UVRAG: variants seen among roughly 807,000 people sequenced by gnomAD.
UVRAG encodes UV radiation resistance associated, also known as UV radiation resistance-associated gene protein.
UVRAG carries 19 observed loss-of-function variants against 78.0 expected under a neutral mutation model. That is an observed-to-expected ratio of 0.24 (90% CI 0.17 to 0.36). UVRAG has a LOEUF of 0.36. Among genes scored for constraint, UVRAG ranks in the 10% least tolerant of loss-of-function variants. UVRAG has a pLI of 1.00. For missense variants in UVRAG, 740 were observed against 853.8 expected, an observed-to-expected ratio of 0.87 and a Z score of 1.66; for synonymous variants, 323 against 324.6, an observed-to-expected ratio of 1.00 and a Z score of 0.05.
At chr11:76,076,110 A>G (rs1018076307) in intron 13 of UVRAG, among the ~76,000 whole-genome samples, 1 of 152,184 alleles carries the variant, frequency 6.6e-6, no homozygotes, top group African/African-American at 2.4e-5. Context: ...GTGTATACCT[A>G]GGAGTGGAAT....
chr11:76,066,547 A>G (rs1345563430), intron 13 of UVRAG, among the ~76,000 whole-genome samples: 1 of 151,974 alleles, frequency 6.6e-6, no homozygotes, highest in Non-Finnish European at 1.5e-5. Context: ...ATCTCGGCTC[A>G]CTGCAACCTC....
intron 13 of UVRAG, among the ~76,000 whole-genome samples, chr11:76,068,092 T>TAC (rs1247601699): frequency 6.6e-6 from 1 of 152,140 alleles, no homozygotes; most frequent in Admixed American, 6.5e-5. Context: ...TGTACAGATA[T>TAC]ACACACACAT....
intron 1 of UVRAG, among the ~76,000 whole-genome samples, chr11:75,829,893 GC>G (rs1565334768): frequency 6.6e-6 from 1 of 152,246 alleles, no homozygotes; most frequent in Non-Finnish European, 1.5e-5. Flanking sequence ...AGTCTGGAGT[GC>G]AGTGGCACAA....
chr11:75,819,534 A>G (rs1027676770), intron 1 of UVRAG, among the ~76,000 whole-genome samples: 1 of 151,996 alleles, frequency 6.6e-6, no homozygotes, highest in Non-Finnish European at 1.5e-5. Context: ...TTTGGTAGAG[A>G]TGGGGTTTCA....
At chr11:76,102,100 T>G (rs1259204689) in intron 13 of UVRAG, among the ~76,000 whole-genome samples, 1 of 152,226 alleles carries the variant, frequency 6.6e-6, no homozygotes, top group Admixed American at 6.5e-5. Context: ...AAAGTAGTTT[T>G]TTCTAGTTCT....
chr11:75,911,101 A>C (rs1947726243), intron 5 of UVRAG: 1 of 153,614 alleles, frequency 6.5e-6, no homozygotes. Context: ...ACTTTTTAAA[A>C]ACAAGATATT....
rs570210816 is a variant in UVRAG, at chr11:75,997,956, G to A, written c.827-6049G>A. Among the ~76,000 whole-genome samples the A allele has an allele frequency of 1.2e-4, 18 of 152,224 alleles. No individual in the cohort carries two copies. The South Asian group carries it at 2.9e-3, about 25-fold the overall frequency. On this transcript the variant is annotated intron_variant, in intron 8 of 14. Transcript: ENST00000356136. ...GATTCCTGACCTGCTTAGGTCCCAC[G>A]GTATAAGTGTTTGACATGGTAGAAA...
chr11:76,142,954 TCA>T lies in UVRAG; in HGVS notation c.*1544_*1545del, dbSNP rs1325862384. The stretch of plus-strand genomic sequence containing the variant: ...CATTGTTGTTTTCCATGTAGAGAAC[TCA>T]CAGGATGACTACATCACAAATAAAC... On this transcript the variant is annotated 3_prime_UTR_variant, in exon 15 of 15. Transcript: ENST00000356136. 5.3e-5 allele frequency: 8 copies of T among 152,250 alleles called. No homozygotes were observed. The highest frequency in any genetic ancestry group is 1.0e-4 in the Non-Finnish European group (7 of 68,038). The allele number at this position is 152,250 out of a possible 1,614,324, so 9.4% of individuals were successfully genotyped here. A position where few individuals can be genotyped will look rare whatever the true frequency, so the allele number is the denominator to read the frequency against.
chr11:76,112,831 A>G (rs1283478815), intron 13 of UVRAG, among the ~76,000 whole-genome samples: 3 of 151,866 alleles, frequency 2.0e-5, no homozygotes, highest in African/African-American at 7.3e-5. Flanking sequence ...GGCTCAAGCA[A>G]TCCTCCCACC....
intron 1 of UVRAG, among the ~76,000 whole-genome samples, chr11:75,828,538 G>A (rs940380225): frequency 2.0e-5 from 3 of 150,584 alleles, no homozygotes; most frequent in East Asian, 1.9e-4. Context: ...ATGCAGTGGC[G>A]CAATCATGGT....
intron 2 of UVRAG, among the ~76,000 whole-genome samples, chr11:75,856,174 A>G (rs1301787398): frequency 2.6e-5 from 4 of 151,380 alleles, no homozygotes; most frequent in Non-Finnish European, 2.9e-5. Flanking sequence ...TATTTTTAGT[A>G]GAGACGGGGT....
chr11:75,863,964 A>G (rs1946480531), intron 3 of UVRAG, among the ~76,000 whole-genome samples: 1 of 152,100 alleles, frequency 6.6e-6, no homozygotes, highest in Admixed American at 6.6e-5. Context: ...TTGTTTGACA[A>G]ATATTAATTT....
chr11:75,850,366 A>G (rs1293468706), intron 1 of UVRAG, among the ~76,000 whole-genome samples: 1 of 152,136 alleles, frequency 6.6e-6, no homozygotes, highest in Admixed American at 6.6e-5. Flanking sequence ...AAAGAGCGGG[A>G]TGGCATTGAG....
chr11:76,128,021 A>AAT lies in UVRAG; in HGVS notation c.1397+12007_1397+12008dup, dbSNP rs1477038951. On this transcript the variant is annotated intron_variant, in intron 14 of 14. Transcript: ENST00000356136. ...GCATACTTAAATGAATTGGAGAGGG[A>AAT]ATTAGTACAAAAGCCACTGAGATAG... 5.9e-5 allele frequency among the ~76,000 whole-genome samples: 9 copies of AAT among 152,028 alleles called. No individual in the cohort carries two copies. In the South Asian group the frequency reaches 1.9e-3, roughly 32 times the overall value.
intron 6 of UVRAG, among the ~76,000 whole-genome samples, chr11:75,952,497 C>CT (rs1200348126): frequency 6.6e-6 from 1 of 150,984 alleles, no homozygotes; most frequent in Non-Finnish European, 1.5e-5. Context: ...TCAAATGCTT[C>CT]TTTTTTTGAA....
chr11:75,987,535 G>A (rs939893166), intron 8 of UVRAG, among the ~76,000 whole-genome samples: 1 of 151,884 alleles, frequency 6.6e-6, no homozygotes, highest in Non-Finnish European at 1.5e-5. Context: ...TTACCTGATT[G>A]TGTTGTCTGA....
At chr11:75,931,785 C>G (rs1948246118) in intron 6 of UVRAG, among the ~76,000 whole-genome samples, 1 of 152,100 alleles carries the variant, frequency 6.6e-6, no homozygotes, top group Middle Eastern at 3.2e-3. Context: ...CTGCCACCTT[C>G]TCTCTCTCAC....
intron 13 of UVRAG, among the ~76,000 whole-genome samples, chr11:76,072,872 C>T (rs1951340555): frequency 6.6e-6 from 1 of 152,156 alleles, no homozygotes; most frequent in Non-Finnish European, 1.5e-5. Flanking sequence ...TAATCAGTCC[C>T]TGGTTCCTTG....
intron 13 of UVRAG, among the ~76,000 whole-genome samples, chr11:76,072,072 G>A (rs959444335): frequency 1.3e-5 from 2 of 152,066 alleles, no homozygotes; most frequent in Admixed American, 6.6e-5. Flanking sequence ...AGAACTAGAT[G>A]AGATTACCCA....
Sources: gnomAD v4.1 joint callset for allele counts (sites outside exome capture counted in the v4.1 genomes callset) on GRCh38, gnomAD v4.1.1 for gene constraint, MANE v1.5 for transcripts, NCBI Gene and HGNC (gene_info 2026-07-23, HGNC 2026-07-21) for gene names.